Variants in PRELID2 observed in about 807,000 individuals in gnomAD.
PRELID2 encodes the protein PRELI domain-containing protein 2.
Under a neutral mutation model 28.4 loss-of-function variants are expected in PRELID2, and 25 were observed. The observed-to-expected ratio is 0.88, with a 90% CI of 0.64 to 1.23. PRELID2 has a LOEUF of 1.23. Ranked by LOEUF, PRELID2 falls within the 50% of genes most tolerant of loss-of-function variation. The pLI, the probability that PRELID2 is intolerant of heterozygous loss-of-function variation, is 0.00. For missense variants in PRELID2, 201 were observed against 214.4 expected (o/e 0.94, Z 0.39); for synonymous variants, 76 against 71.6 (o/e 1.06, Z -0.31).
At chr5:145,261,947 T>C in the PRELID2 span, among the ~76,000 whole-genome samples, 1 of 152,092 alleles carries the variant, frequency 6.6e-6, no homozygotes, top group Non-Finnish European at 1.5e-5. Context: ...AAATAAAAAG[T>C]TACAGACTAT....
rs547934959 is a variant in PRELID2, at chr5:145,749,259, T to G, written n.70+15672A>C. Among the ~76,000 whole-genome samples the G allele has an allele frequency of 1.5e-4, 23 of 152,004 alleles. No individual in the cohort carries two copies. In the East Asian group the frequency reaches 4.3e-3, roughly 28 times the overall value. On this transcript the variant is annotated intron_variant and non_coding_transcript_variant, in intron 1 of 2. Coordinates refer to the PRELID2 transcript ENST00000510259. ...TAATATCTAGAATTTACAAGGAACT[T>G]AAACAAATTTACAAGAAAAAAACAA...
chr5:145,253,097 G>A, the PRELID2 span, among the ~76,000 whole-genome samples: 2 of 152,024 alleles, frequency 1.3e-5, no homozygotes, highest in African/African-American at 4.8e-5. Context: ...TGGATTTAAA[G>A]GAAAATATCA....
chr5:145,727,578 C>T (rs1261811349), intron 1 of PRELID2, among the ~76,000 whole-genome samples: 1 of 152,174 alleles, frequency 6.6e-6, no homozygotes, highest in African/African-American at 2.4e-5. Context: ...GAGGCAGCTT[C>T]CTCTTCAGAG....
intron 2 of PRELID2, among the ~76,000 whole-genome samples, chr5:145,822,229 A>T (rs1012595073): frequency 1.3e-5 from 2 of 152,210 alleles, no homozygotes; most frequent in Non-Finnish European, 2.9e-5. Flanking sequence ...CCAGTTCTCA[A>T]GTTTAAACAC....
intron 1 of PRELID2, among the ~76,000 whole-genome samples, chr5:145,671,785 G>A (rs1754712111): frequency 6.6e-6 from 1 of 152,094 alleles, no homozygotes; most frequent in Non-Finnish European, 1.5e-5. Flanking sequence ...TATTCTCCAT[G>A]CTGGACTTAG....
At chr5:145,336,892 C>T in the PRELID2 span, among the ~76,000 whole-genome samples, 9 of 141,302 alleles carry the variant, frequency 6.4e-5, no homozygotes, top group African/African-American at 2.4e-4. Context: ...TATTCTCACT[C>T]ATAGGTGGGA....
chr5:145,558,215 G>A (rs769049146), intron 1 of PRELID2, among the ~76,000 whole-genome samples: 4 of 152,140 alleles, frequency 2.6e-5, no homozygotes, highest in Admixed American at 6.5e-5. Flanking sequence ...ATGAGATAAC[G>A]TATTTGAAAG....
chr5:145,491,353 G>A (rs775292484), intron 1 of PRELID2, among the ~76,000 whole-genome samples: 2 of 152,078 alleles, frequency 1.3e-5, no homozygotes, highest in Non-Finnish European at 2.9e-5. Flanking sequence ...ACTAGTCCCA[G>A]TCAGGAGGGC....
At chr5:145,728,784 G>A in intron 1 of PRELID2, 1 of 1,181,074 alleles carries the variant, frequency 8.5e-7, no homozygotes, top group Admixed American at 1.7e-5. Context: ...AATGTAGTAG[G>A]AGTAGAAGTT....
At chr5:145,430,113 C>T in the PRELID2 span, among the ~76,000 whole-genome samples, 73 of 152,162 alleles carry the variant, frequency 4.8e-4, no homozygotes, top group Non-Finnish European at 1.8e-4. Context: ...GAGTGGTTTT[C>T]GATGAAGTAA....
the PRELID2 span, among the ~76,000 whole-genome samples, chr5:145,355,825 C>T: frequency 8.5e-5 from 13 of 152,234 alleles, no homozygotes; most frequent in Admixed American, 8.5e-4. Context: ...TCTGTCCTTA[C>T]AGAATTGTTT....
chr5:145,438,186 T>G, the PRELID2 span, among the ~76,000 whole-genome samples: 1 of 151,900 alleles, frequency 6.6e-6, no homozygotes, highest in Non-Finnish European at 1.5e-5. Flanking sequence ...AGATACAAAC[T>G]CAGGACAGAG....
At chr5:145,724,539 T>C (rs957401518) in intron 1 of PRELID2, among the ~76,000 whole-genome samples, 2 of 145,038 alleles carry the variant, frequency 1.4e-5, no homozygotes, top group African/African-American at 5.0e-5. Context: ...TCCATACTTA[T>C]ACTTTTGTTA....
intron 1 of PRELID2, among the ~76,000 whole-genome samples, chr5:145,491,461 A>T (rs1752267850): frequency 6.6e-6 from 1 of 152,198 alleles, no homozygotes; most frequent in Non-Finnish European, 1.5e-5. Flanking sequence ...TACTGTGTAC[A>T]AATATTTTGA....
At chr5:145,626,324 A>G (rs1006777049) in intron 1 of PRELID2, among the ~76,000 whole-genome samples, 1 of 152,180 alleles carries the variant, frequency 6.6e-6, no homozygotes, top group Non-Finnish European at 1.5e-5. Context: ...GAACTCAAAC[A>G]ACTCAATAAG....
At chr5:145,601,569 T>G (rs1012585811) in intron 1 of PRELID2, among the ~76,000 whole-genome samples, 1 of 152,196 alleles carries the variant, frequency 6.6e-6, no homozygotes, top group Non-Finnish European at 1.5e-5. Context: ...ATATATATTC[T>G]TAGAAGAACT....
chr5:145,257,643 T>A, the PRELID2 span, among the ~76,000 whole-genome samples: 5 of 152,280 alleles, frequency 3.3e-5, no homozygotes, highest in East Asian at 7.7e-4. Context: ...AGAAGATAAC[T>A]GGTATAACAT....
chr5:145,353,493 A>G, the PRELID2 span, among the ~76,000 whole-genome samples: 3 of 149,686 alleles, frequency 2.0e-5, no homozygotes, highest in Non-Finnish European at 3.0e-5. Flanking sequence ...GAAAAGAAAT[A>G]CCTGAGACCG....
At position 145,654,583 on chromosome 5, in the gene PRELID2, A is replaced by G. The variant is rs565792218; in HGVS notation, n.70+110348T>C. ...CTGGGCTTCAGCCCTGGGATGCAAGACTGGTTCAACATACGCAAATCAATA... is the reference window on the plus strand; with the variant it reads ...CTGGGCTTCAGCCCTGGGATGCAAGGCTGGTTCAACATACGCAAATCAATA... On this transcript the variant is annotated intron_variant and non_coding_transcript_variant, in intron 1 of 2. Transcript: ENST00000510259. 7.5e-4 allele frequency among the ~76,000 whole-genome samples: 115 copies of G among 152,348 alleles called. 2 individuals are homozygous for G. Among genetic ancestry groups the G allele is most frequent in the African/African-American group, 2.7e-3 (112 of 41,590 alleles).
Sources: allele counts gnomAD v4.1 joint callset (sites outside exome capture counted in the v4.1 genomes callset), GRCh38; gene constraint gnomAD v4.1.1; transcripts MANE v1.5; gene names NCBI Gene and HGNC (gene_info 2026-07-23, HGNC 2026-07-21).